The following NPAS3 variants were observed in gnomAD, a reference collection of about 807,000 sequenced individuals.
The protein encoded by NPAS3 is neuronal PAS domain-containing protein 3.
In NPAS3, 14 loss-of-function variants were observed where a neutral mutation model predicts 73.1. The observed-to-expected ratio is 0.19, with a 90% confidence interval of 0.13 to 0.30. The LOEUF is 0.30. NPAS3 is among the 10% of genes least tolerant of loss of function. The pLI is 1.00. For synonymous variants in NPAS3, 620 were observed against 541.5 expected (o/e 1.14, Z -2.01); for missense variants, 1,096 against 1,250.0 (o/e 0.88, Z 1.86).
intron 6 of NPAS3, among the ~76,000 whole-genome samples, chr14:33,729,418 G>A (rs754487618): frequency 4.6e-5 from 7 of 152,146 alleles, no homozygotes; most frequent in Middle Eastern, 3.4e-3. Flanking sequence ...AAATATTGAC[G>A]GCTTTAAAAA....
chr14:33,269,011 G>T (rs2040951176), intron 3 of NPAS3, among the ~76,000 whole-genome samples: 1 of 152,108 alleles, frequency 6.6e-6, no homozygotes. Flanking sequence ...GGCCGGTAAA[G>T]CTGCGATCTA....
intron 3 of NPAS3, among the ~76,000 whole-genome samples, chr14:33,258,755 A>C (rs2048865452): frequency 6.6e-6 from 1 of 152,150 alleles, no homozygotes; most frequent in East Asian, 1.9e-4. Flanking sequence ...TAAATCTTCC[A>C]ACTAAGTCTT....
intron 2 of NPAS3, among the ~76,000 whole-genome samples, chr14:33,088,932 C>T (rs2383443): frequency 5.3e-5 from 8 of 152,186 alleles, no homozygotes; most frequent in Non-Finnish European, 8.8e-5. Flanking sequence ...AGTGGAATTC[C>T]AGCAAACTCC....
chr14:33,211,827 G>T (rs1203704922), intron 2 of NPAS3, among the ~76,000 whole-genome samples: 1 of 152,080 alleles, frequency 6.6e-6, no homozygotes, highest in African/African-American at 2.4e-5. Context: ...ATTTGCTGGG[G>T]ATTCATGAAG....
At chr14:33,566,921 T>C (rs1346086493) in intron 5 of NPAS3, among the ~76,000 whole-genome samples, 1 of 152,242 alleles carries the variant, frequency 6.6e-6, no homozygotes, top group Non-Finnish European at 1.5e-5. Flanking sequence ...TGGCTTTGAA[T>C]CCCAGTGGCA....
At chr14:33,497,784 A>G (rs1478076880) in intron 4 of NPAS3, among the ~76,000 whole-genome samples, 1 of 152,000 alleles carries the variant, frequency 6.6e-6, no homozygotes, top group African/African-American at 2.4e-5. Context: ...AGACATAGGC[A>G]TGGGCAGACT....
At chr14:33,467,113 C>T (rs923292752) in intron 4 of NPAS3, among the ~76,000 whole-genome samples, 4 of 152,140 alleles carry the variant, frequency 2.6e-5, no homozygotes, top group Non-Finnish European at 4.4e-5. Flanking sequence ...AAACCAGAAC[C>T]GCGTGAGTGA....
intron 2 of NPAS3, among the ~76,000 whole-genome samples, chr14:33,155,767 T>A (rs1178866845): frequency 6.6e-6 from 1 of 152,162 alleles, no homozygotes; most frequent in Non-Finnish European, 1.5e-5. Context: ...CTTCCCTCTG[T>A]CTTCATGTTG....
intron 3 of NPAS3, among the ~76,000 whole-genome samples, chr14:33,316,438 A>T (rs1005916150): frequency 1.3e-5 from 2 of 152,156 alleles, no homozygotes; most frequent in East Asian, 3.9e-4. Flanking sequence ...CATCCTGCAG[A>T]CTCAGAGAGA....
intron 2 of NPAS3, among the ~76,000 whole-genome samples, chr14:33,136,371 T>C (rs148944573): frequency 7.6e-4 from 115 of 152,260 alleles, no homozygotes; most frequent in African/African-American, 2.7e-3. Flanking sequence ...ATAAATACCT[T>C]TTTAAAATGA....
At chr14:33,675,346 A>C (rs776793734) in intron 5 of NPAS3, among the ~76,000 whole-genome samples, 1 of 152,176 alleles carries the variant, frequency 6.6e-6, no homozygotes, top group Non-Finnish European at 1.5e-5. Context: ...CGCACAACTC[A>C]GACGCAGGGG....
chr14:33,778,149 T>C lies in NPAS3; in HGVS notation c.1047-317T>C, dbSNP rs191870278. On this transcript the variant is annotated intron_variant, in intron 8 of 11. Transcript: ENST00000356141. ...GAATTATCTTGGCCTGTAATGAGGA[T>C]CTTGCATTGTTACTGATTCTCAATA... is the stretch of plus-strand genomic sequence containing the variant. Among the ~76,000 whole-genome samples, 141 of 152,340 alleles carry C rather than the reference T, an allele frequency of 9.3e-4. 1 individual carries two copies. Among genetic ancestry groups the C allele is most frequent in the African/African-American group, 3.2e-3 (133 of 41,582 alleles).
chr14:33,349,130 C>T (rs997742318), intron 3 of NPAS3, among the ~76,000 whole-genome samples: 2 of 152,134 alleles, frequency 1.3e-5, no homozygotes, highest in African/African-American at 4.8e-5. Flanking sequence ...TTAACTATGG[C>T]TTTTCTTTAT....
intron 5 of NPAS3, among the ~76,000 whole-genome samples, chr14:33,628,486 T>C (rs1053186625): frequency 6.6e-6 from 1 of 152,244 alleles, no homozygotes; most frequent in Admixed American, 6.5e-5. Flanking sequence ...CCGTCAGTAC[T>C]TTAATTGTTT....
chr14:33,539,411 A>G (rs78956559), intron 4 of NPAS3, among the ~76,000 whole-genome samples: 8,472 of 152,084 alleles, frequency 0.056, 686 homozygotes, highest in African/African-American at 0.18. Context: ...TCAAAACTGT[A>G]CGGCAAACAG....
chr14:33,206,693 A>G (rs943427906), intron 2 of NPAS3, among the ~76,000 whole-genome samples: 1 of 152,192 alleles, frequency 6.6e-6, no homozygotes, highest in Non-Finnish European at 1.5e-5. Flanking sequence ...TCATGTTTAT[A>G]TTAGGTTCCA....
chr14:33,148,616 A>C (rs2044331325), intron 2 of NPAS3, among the ~76,000 whole-genome samples: 1 of 152,232 alleles, frequency 6.6e-6, no homozygotes. Context: ...GCTCAACTGA[A>C]AAAATTTTAA....
chr14:33,123,582 T>C (rs1333697466), intron 2 of NPAS3, among the ~76,000 whole-genome samples: 1 of 152,084 alleles, frequency 6.6e-6, no homozygotes, highest in South Asian at 2.1e-4. Context: ...ACTATCTGCC[T>C]AGGCCTCTGT....
In NPAS3 at chr14:33,776,587, C is replaced by G. The variant is rs78641192; in HGVS notation, c.1047-1879C>G. On this transcript the variant is annotated intron_variant, in intron 8 of 11. Coordinates refer to ENST00000356141, the Ensembl canonical transcript of NPAS3. ...GCTTTTCACAGTCCCCTTTATTAGC[C>G]AATACAATACAGCATTATTTCCCAT... 3.9e-4 allele frequency among the ~76,000 whole-genome samples: 46 copies of G among 116,622 alleles called. 1 individual carries two copies. In the East Asian group the frequency reaches 4.8e-3, roughly 12 times the overall value. 76.5% of individuals were successfully genotyped at this position (116,622 alleles called of 152,430 possible). A position where few individuals can be genotyped will look rare whatever the true frequency, so the allele number is the denominator to read the frequency against.
Sources: gnomAD v4.1 joint callset for allele counts (sites outside exome capture counted in the v4.1 genomes callset) on GRCh38, gnomAD v4.1.1 for gene constraint, MANE v1.5 for transcripts, NCBI Gene and HGNC (gene_info 2026-07-23, HGNC 2026-07-21) for gene names.